FSTL5: variants seen among roughly 807,000 people sequenced by gnomAD.
FSTL5 encodes the protein follistatin like 5.
Under a neutral mutation model 89.1 loss-of-function variants are expected in FSTL5, and 62 were observed. The ratio of observed to expected loss-of-function variants is 0.70; its 90% CI spans 0.57 to 0.86. FSTL5 has a LOEUF of 0.86. FSTL5 is among the 40% of genes least tolerant of loss of function. The pLI, the probability that FSTL5 is intolerant of heterozygous loss-of-function variation, is 0.00. For missense variants in FSTL5, 1,057 were observed against 1,001.6 expected, an observed-to-expected ratio of 1.06 and a Z score of -0.75; for synonymous variants, 383 against 346.2, an observed-to-expected ratio of 1.11 and a Z score of -1.18.
chr4:161,800,807 A>AT (rs1729767792), intron 4 of FSTL5, among the ~76,000 whole-genome samples: 1 of 151,638 alleles, frequency 6.6e-6, no homozygotes, highest in Non-Finnish European at 1.5e-5. Flanking sequence ...TTCAGGAAGT[A>AT]TAAATATCTT....
intron 7 of FSTL5, among the ~76,000 whole-genome samples, chr4:161,636,249 A>G (rs992548107): frequency 6.6e-6 from 1 of 152,174 alleles, no homozygotes; most frequent in African/African-American, 2.4e-5. Context: ...GATACTATTA[A>G]AGAACATAAA....
intron 4 of FSTL5, among the ~76,000 whole-genome samples, chr4:161,875,949 A>C (rs1302386540): frequency 2.0e-5 from 3 of 152,196 alleles, no homozygotes; most frequent in African/African-American, 7.2e-5. Context: ...GTTTCTCAAC[A>C]ACCACAGCAT....
chr4:161,496,983 C>T (rs6536598), intron 12 of FSTL5, among the ~76,000 whole-genome samples: 31,808 of 151,830 alleles, frequency 0.21, 3,641 homozygotes, highest in East Asian at 0.37. Context: ...AAATTTCTCA[C>T]GAAATTACTT....
chr4:161,580,816 C>T (rs72687562), intron 8 of FSTL5, among the ~76,000 whole-genome samples: 45,291 of 152,028 alleles, frequency 0.3, 7,215 homozygotes, highest in Non-Finnish European at 0.35. Context: ...GCAAAAAAAG[C>T]AATTACTTTT....
At chr4:161,830,873 T>C (rs1391348539) in intron 4 of FSTL5, among the ~76,000 whole-genome samples, 2 of 151,964 alleles carry the variant, frequency 1.3e-5, no homozygotes, top group Non-Finnish European at 2.9e-5. Context: ...GTGTTAGAAT[T>C]AGAACGTATT....
At chr4:162,146,600 C>G (rs72986988) in intron 1 of FSTL5, among the ~76,000 whole-genome samples, 35,278 of 151,698 alleles carry the variant, frequency 0.23, 4,310 homozygotes, top group Non-Finnish European at 0.26. Context: ...TAAACCAATG[C>G]CAATACCTTA....
chr4:161,404,187 C>G (rs1731279095), intron 15 of FSTL5, among the ~76,000 whole-genome samples: 1 of 152,126 alleles, frequency 6.6e-6, no homozygotes, highest in Non-Finnish European at 1.5e-5. Flanking sequence ...TGAGGAGAAA[C>G]AGCTAAGCAG....
chr4:162,057,215 A>G (rs1454866778), intron 2 of FSTL5, among the ~76,000 whole-genome samples: 1 of 152,152 alleles, frequency 6.6e-6, no homozygotes, highest in Non-Finnish European at 1.5e-5. Context: ...CATTTCACTA[A>G]ATCATAGCTT....
chr4:161,438,410 C>T (rs934322701), intron 15 of FSTL5, among the ~76,000 whole-genome samples: 6 of 151,882 alleles, frequency 4.0e-5, no homozygotes, highest in Non-Finnish European at 7.4e-5. Context: ...GCTCATTGTA[C>T]TAGATGCACT....
At chr4:161,667,937 G>A (rs915575612) in intron 6 of FSTL5, among the ~76,000 whole-genome samples, 6 of 151,736 alleles carry the variant, frequency 4.0e-5, no homozygotes, top group African/African-American at 1.5e-4. Flanking sequence ...TGAAAGATTG[G>A]AAATCAATCA....
chr4:162,163,304 C>A (rs1009185592), intron 1 of FSTL5, among the ~76,000 whole-genome samples: 6 of 151,592 alleles, frequency 4.0e-5, no homozygotes, highest in Non-Finnish European at 5.9e-5. Flanking sequence ...TCCTTTGAAC[C>A]CTGCTGAAAG....
At chr4:162,136,438 C>T (rs1336932338) in intron 1 of FSTL5, among the ~76,000 whole-genome samples, 3 of 151,860 alleles carry the variant, frequency 2.0e-5, no homozygotes, top group Admixed American at 6.6e-5. Context: ...TGTCAAATTT[C>T]GATTTTACAT....
At chr4:161,558,627 T>G (rs1406309010) in intron 8 of FSTL5, among the ~76,000 whole-genome samples, 3 of 151,892 alleles carry the variant, frequency 2.0e-5, no homozygotes, top group African/African-American at 7.2e-5. Flanking sequence ...TGGTTCCCTC[T>G]GATTGTATTT....
At chr4:161,445,296 T>G (rs1267633889) in intron 15 of FSTL5, among the ~76,000 whole-genome samples, 1 of 151,912 alleles carries the variant, frequency 6.6e-6, no homozygotes, top group Non-Finnish European at 1.5e-5. Context: ...CTAGTTCACT[T>G]TTCTTTAAAA....
intron 7 of FSTL5, among the ~76,000 whole-genome samples, chr4:161,647,853 C>T (rs113241431): frequency 0.023 from 3,319 of 147,238 alleles, 57 homozygotes; most frequent in Middle Eastern, 0.041. Flanking sequence ...CCTGCTACGC[C>T]CCCATCCTGT....
intron 6 of FSTL5, among the ~76,000 whole-genome samples, chr4:161,743,771 T>C (rs1740103332): frequency 6.6e-6 from 1 of 152,268 alleles, no homozygotes; most frequent in Middle Eastern, 3.4e-3. Flanking sequence ...TTAAAAATAA[T>C]ATGAATATAC....
intron 2 of FSTL5, among the ~76,000 whole-genome samples, chr4:162,054,568 TA>T (rs995876875): frequency 2.0e-5 from 3 of 151,760 alleles, no homozygotes; most frequent in Non-Finnish European, 4.4e-5. Flanking sequence ...TAAGAGCAAG[TA>T]AAAAAATGAA....
intron 2 of FSTL5, among the ~76,000 whole-genome samples, chr4:162,073,196 A>G (rs1203572219): frequency 6.6e-6 from 1 of 151,610 alleles, no homozygotes; most frequent in Non-Finnish European, 1.5e-5. Flanking sequence ...CCATTATCTT[A>G]TTATATCTGT....
intron 7 of FSTL5, among the ~76,000 whole-genome samples, chr4:161,597,526 G>GT (rs1734063207): frequency 6.6e-6 from 1 of 151,724 alleles, no homozygotes. Context: ...TATACCTAAT[G>GT]TAAATGACGA....
Sources: allele counts gnomAD v4.1 joint callset (sites outside exome capture counted in the v4.1 genomes callset), GRCh38; gene constraint gnomAD v4.1.1; transcripts MANE v1.5; gene names NCBI Gene and HGNC (gene_info 2026-07-23, HGNC 2026-07-21).